The following SUCLA2 variants were observed in gnomAD, a reference collection of about 807,000 sequenced individuals.
SUCLA2 encodes succinate--CoA ligase [ADP-forming] subunit beta, mitochondrial.
In SUCLA2, 30 loss-of-function variants were observed where a neutral mutation model predicts 54.8. The observed-to-expected ratio is 0.55, with a 90% CI of 0.41 to 0.74. The LOEUF is 0.74. Among genes scored for constraint, SUCLA2 ranks in the 30% least tolerant of loss-of-function variants. The pLI, the probability that SUCLA2 is intolerant of heterozygous loss-of-function variation, is 0.00. For missense variants in SUCLA2, 476 were observed against 562.9 expected (o/e 0.85, Z 1.56); for synonymous variants, 172 against 188.9 (o/e 0.91, Z 0.74).
At chr13:47,949,408 T>G in intron 9 of SUCLA2, 75 bp downstream of exon 9, 1 of 1,542,340 alleles carries the variant, frequency 6.5e-7, no homozygotes. Context: ...AAACTATGTT[T>G]TAACAAACTG....
chr13:47,998,278 A>G (rs1950204468), intron 1 of SUCLA2, among the ~76,000 whole-genome samples: 1 of 143,790 alleles, frequency 7.0e-6, no homozygotes, highest in Non-Finnish European at 1.5e-5. Flanking sequence ...CCCTGTCTAA[A>G]AAAACAAATA....
chr13:47,988,353 T>A (rs974211853), intron 4 of SUCLA2, 188 bp downstream of exon 4: 5 of 623,782 alleles, frequency 8.0e-6, no homozygotes, highest in Non-Finnish European at 1.3e-5. Flanking sequence ...GATCATGATA[T>A]TATATATCAA....
At chr13:47,982,404 T>C (rs1950066869) in intron 4 of SUCLA2, among the ~76,000 whole-genome samples, 1 of 152,078 alleles carries the variant, frequency 6.6e-6, no homozygotes, top group African/African-American at 2.4e-5. Context: ...AGAATGGAGA[T>C]TACCAGGAGC....
At chr13:47,960,744 CAAG>C (rs1482620966) in intron 6 of SUCLA2, among the ~76,000 whole-genome samples, 2 of 151,616 alleles carry the variant, frequency 1.3e-5, no homozygotes, top group Non-Finnish European at 1.5e-5. Context: ...CTTTTGATCC[CAAG>C]AAGTTTATCA....
At chr13:47,986,808 T>TC (rs1263325553) in intron 4 of SUCLA2, among the ~76,000 whole-genome samples, 2 of 152,328 alleles carry the variant, frequency 1.3e-5, no homozygotes, top group Non-Finnish European at 2.9e-5. Flanking sequence ...GGAAATCCTT[T>TC]CCCCATTTTA....
chr13:47,974,640 T>C (rs987250539), intron 4 of SUCLA2, among the ~76,000 whole-genome samples: 1 of 152,146 alleles, frequency 6.6e-6, no homozygotes, highest in Non-Finnish European at 1.5e-5. Flanking sequence ...TTTGAAAGAA[T>C]AGCTCTGGCT....
In SUCLA2 at chr13:47,973,281, T is replaced by C. The variant is rs538972557; in HGVS notation, c.646A>G (p.Lys216Glu). The C allele has an allele frequency of 2.5e-6, 4 of 1,613,272 alleles. No homozygotes were observed. In the East Asian group the frequency reaches 6.7e-5, roughly 27 times the overall value. The change falls in exon 5 of 11, where the codon AAG (lysine) becomes GAG (glutamate). Residue 216 changes from lysine (K) to glutamate (E), a missense_variant. Coordinates refer to ENST00000646932, the MANE Select transcript of SUCLA2 (RefSeq NM_003850.3). Reference protein sequence around the residue: ...EPIDIEEGIKKEQALQLAQKM... With the variant: ...EPIDIEEGIKEEQALQLAQKM... ...CAACATACCTGGAGAGCTTGTTCCT[T>C]TTTGATGCCTTCTTCAATATCAATA...
intron 6 of SUCLA2, among the ~76,000 whole-genome samples, chr13:47,960,747 G>C (rs1949864299): frequency 6.6e-6 from 1 of 151,804 alleles, no homozygotes; most frequent in Non-Finnish European, 1.5e-5. Flanking sequence ...TTGATCCCAA[G>C]AAGTTTATCA....
At chr13:47,966,740 G>A (rs545330738) in intron 6 of SUCLA2, among the ~76,000 whole-genome samples, 17 of 151,610 alleles carry the variant, frequency 1.1e-4, no homozygotes, top group South Asian at 6.2e-4. Flanking sequence ...AATAGGCTGG[G>A]TGTGATGGCT....
chr13:47,965,505 A>C (rs976277861), intron 6 of SUCLA2: 24 of 388,658 alleles, frequency 6.2e-5, no homozygotes, highest in African/African-American at 3.2e-4. Flanking sequence ...AAAAAAAAAA[A>C]AACAAACAAA....
chr13:47,970,936 T>C (rs976679198), intron 5 of SUCLA2, among the ~76,000 whole-genome samples: 2 of 151,822 alleles, frequency 1.3e-5, no homozygotes, highest in Non-Finnish European at 2.9e-5. Flanking sequence ...CATTAAGAAA[T>C]GTTTAAGGAG....
chr13:47,977,046 G>A (rs1184258497), intron 4 of SUCLA2, among the ~76,000 whole-genome samples: 2 of 149,012 alleles, frequency 1.3e-5, no homozygotes, highest in African/African-American at 4.9e-5. Flanking sequence ...CATTGAAAAA[G>A]TGAATAAAAT....
At chr13:47,950,651 C>A (rs753565163) in intron 8 of SUCLA2, among the ~76,000 whole-genome samples, 1 of 152,130 alleles carries the variant, frequency 6.6e-6, no homozygotes, top group Non-Finnish European at 1.5e-5. Flanking sequence ...TCCAAATAAT[C>A]TCTCTTTTTT....
intron 10 of SUCLA2, among the ~76,000 whole-genome samples, chr13:47,948,033 A>G (rs1392584556): frequency 6.6e-6 from 1 of 152,244 alleles, no homozygotes; most frequent in East Asian, 1.9e-4. Flanking sequence ...TTTATAAAAC[A>G]TAACCATAAT....
At chr13:47,959,153 A>C (rs537515250) in intron 6 of SUCLA2, among the ~76,000 whole-genome samples, 25 of 152,246 alleles carry the variant, frequency 1.6e-4, no homozygotes, top group African/African-American at 5.8e-4. Flanking sequence ...GTGCCCCAAA[A>C]AATGTTATGA....
chr13:47,988,891 A>G lies in SUCLA2; in HGVS notation c.362T>C (p.Ile121Thr). 6.2e-7 allele frequency: 1 copy of G among 1,611,596 alleles called. No individual in the cohort carries two copies. The highest frequency in any genetic ancestry group is 8.5e-7 in the Non-Finnish European group (1 of 1,178,994). Residue 121 changes from isoleucine (I) to threonine (T), a missense_variant, in exon 3 of 11, where the codon ATA becomes ACA. Ile to Thr is a moderately conservative substitution (Grantham distance 89). This residue lies in a region of SUCLA2 where 342 missense variants were observed against 444.2 expected (regional missense o/e 0.77). Transcript: ENST00000646932. ...AAAAAATGTGACTTACGAGAAAACT[A>G]TCTTCACTCCTCCTTTGAGGCCACT... The part of the protein sequence containing the change: ...FESGLKGGVK[I>T]VFSPEEAKAV...
At chr13:47,980,365 A>T (rs752173599) in intron 4 of SUCLA2, among the ~76,000 whole-genome samples, 4 of 152,150 alleles carry the variant, frequency 2.6e-5, no homozygotes, top group Non-Finnish European at 5.9e-5. Flanking sequence ...CAGTGAGCTG[A>T]GATCATACCA....
intron 5 of SUCLA2, among the ~76,000 whole-genome samples, chr13:47,972,972 G>C (rs1338767156): frequency 6.6e-6 from 1 of 151,620 alleles, no homozygotes. Context: ...GGCTGGTCTC[G>C]AACTCCTGAC....
chr13:47,952,022 A>G (rs916895540), intron 8 of SUCLA2, among the ~76,000 whole-genome samples: 2 of 151,024 alleles, frequency 1.3e-5, no homozygotes, highest in Admixed American at 1.3e-4. Flanking sequence ...CTGGAAGAGT[A>G]ATCTCTCCTG....
Sources: allele counts gnomAD v4.1 joint callset (sites outside exome capture counted in the v4.1 genomes callset), GRCh38; gene constraint gnomAD v4.1.1; regional missense constraint gnomAD v4.1.1; transcripts MANE v1.5; gene names NCBI Gene and HGNC (gene_info 2026-07-23, HGNC 2026-07-21).